Variants in SYNE1 observed in about 807,000 individuals in gnomAD.
SYNE1 encodes nesprin-1.
In SYNE1, 616 loss-of-function variants were observed where a neutral mutation model predicts 1,111.0. The observed-to-expected ratio is 0.55, with a 90% CI of 0.52 to 0.59. The LOEUF (loss-of-function observed/expected upper bound fraction) is 0.59, where lower values mean the gene tolerates loss of function less well. SYNE1 is among the 20% of genes least tolerant of loss of function. The probability of loss-of-function intolerance (pLI) is 0.00; values close to 1 mark genes in which losing one functional copy is unlikely to be tolerated. For synonymous variants in SYNE1, 3,855 were observed against 3,825.8 expected, an observed-to-expected ratio of 1.01 and a Z score of -0.28; for missense variants, 10,006 against 10,417.0, an observed-to-expected ratio of 0.96 and a Z score of 1.72.
chr6:152,358,593 A>G (rs2096879037), intron 65 of SYNE1, 56 bp from the exon 66 acceptor site: 2 of 1,572,894 alleles, frequency 1.3e-6, no homozygotes, highest in Non-Finnish European at 1.7e-6. Flanking sequence ...ATAAAGCATC[A>G]GTGTGCTGTA....
chr6:152,578,176 TA>T (rs1466151159), intron 3 of SYNE1, among the ~76,000 whole-genome samples: 1 of 152,238 alleles, frequency 6.6e-6, no homozygotes, highest in Non-Finnish European at 1.5e-5. Context: ...AAAAAGTTTT[TA>T]AATTATGAAA....
At chr6:152,635,103 C>T (rs2099704000) in intron 2 of SYNE1, among the ~76,000 whole-genome samples, 1 of 152,200 alleles carries the variant, frequency 6.6e-6, no homozygotes, top group East Asian at 1.9e-4. Flanking sequence ...AGTGCAGCAC[C>T]AAACAATTCT....
At chr6:152,538,873 T>A (rs989278578) in intron 4 of SYNE1, among the ~76,000 whole-genome samples, 21 of 152,148 alleles carry the variant, frequency 1.4e-4, no homozygotes, top group Admixed American at 1.3e-3. Flanking sequence ...CAGGTCGCTC[T>A]AGGCTTCTTT....
At chr6:152,243,875 G>T (rs2086407542) in intron 106 of SYNE1, among the ~76,000 whole-genome samples, 1 of 151,984 alleles carries the variant, frequency 6.6e-6, no homozygotes, top group Non-Finnish European at 1.5e-5. Flanking sequence ...AAATTTTGTT[G>T]GTCTAATATC....
intron 5 of SYNE1, among the ~76,000 whole-genome samples, chr6:152,524,274 T>A (rs1037271685): frequency 6.6e-6 from 1 of 152,184 alleles, no homozygotes; most frequent in African/African-American, 2.4e-5. Context: ...CTAGATTTTA[T>A]CAAATGCTTT....
intron 30 of SYNE1, among the ~76,000 whole-genome samples, chr6:152,443,721 C>T (rs1302229641): frequency 1.3e-5 from 2 of 152,062 alleles, no homozygotes; most frequent in Non-Finnish European, 2.9e-5. Flanking sequence ...TACCATTTTG[C>T]TACTGTGTAT....
At chr6:152,622,749 T>C (rs146453387) in intron 3 of SYNE1, among the ~76,000 whole-genome samples, 1,559 of 152,276 alleles carry the variant, frequency 0.01, 22 homozygotes, top group African/African-American at 0.036. Context: ...TTCTTTATAA[T>C]AGAATGATTT....
intron 100 of SYNE1, among the ~76,000 whole-genome samples, chr6:152,265,331 G>A (rs2092585620): frequency 6.6e-6 from 1 of 150,948 alleles, no homozygotes; most frequent in African/African-American, 2.4e-5. Context: ...CTATTAAACA[G>A]TTAAAATGAA....
intron 3 of SYNE1, among the ~76,000 whole-genome samples, chr6:152,595,836 G>GTCTA (rs2099579542): frequency 6.6e-6 from 1 of 152,034 alleles, no homozygotes; most frequent in African/African-American, 2.4e-5. Context: ...CGGCTGTTGG[G>GTCTA]TCTATGTTCT....
At chr6:152,488,871 A>G (rs2098955541) in intron 11 of SYNE1, among the ~76,000 whole-genome samples, 2 of 152,216 alleles carry the variant, frequency 1.3e-5, no homozygotes, top group Non-Finnish European at 2.9e-5. Context: ...TTGGTAACCC[A>G]GAAGACAGTT....
chr6:152,377,376 G>A (rs549500073), intron 56 of SYNE1, among the ~76,000 whole-genome samples: 68 of 151,504 alleles, frequency 4.5e-4, no homozygotes, highest in African/African-American at 1.1e-3. Context: ...TTGGGAGGCC[G>A]AGGAGGGTGG....
Position 152,353,286 on chromosome 6 carries a change from C to T in SYNE1, c.11230G>A (p.Gly3744Arg). Reference protein sequence around the residue: ...KIDKVDTVMMGKKLKTLEVLL... With the variant: ...KIDKVDTVMMRKKLKTLEVLL... Reference sequence around the variant, plus strand: ...ACCTCCAACGTCTTCAATTTCTTCCCCATCATTACTGTATCTACTTTGTCA... The same window carrying T: ...ACCTCCAACGTCTTCAATTTCTTCCTCATCATTACTGTATCTACTTTGTCA... The change falls in exon 69 of 146, where the codon GGG (glycine) becomes AGG (arginine). Residue 3744 changes from glycine (G) to arginine (R), a missense_variant. Coordinates refer to ENST00000367255, the MANE Select transcript of SYNE1 (RefSeq NM_182961.4). 1 of 1,614,132 alleles carries T rather than the reference C, an allele frequency of 6.2e-7. No individual in the cohort carries two copies. The highest frequency in any genetic ancestry group is 8.5e-7 in the Non-Finnish European group (1 of 1,180,040).
At chr6:152,426,533 G>A (rs1321036756) in intron 38 of SYNE1, among the ~76,000 whole-genome samples, 1 of 152,242 alleles carries the variant, frequency 6.6e-6, no homozygotes, top group African/African-American at 2.4e-5. Flanking sequence ...CAGTCATATG[G>A]CACTTAGTTT....
intron 25 of SYNE1, among the ~76,000 whole-genome samples, chr6:152,453,136 A>T (rs907831143): frequency 6.6e-6 from 1 of 152,196 alleles, no homozygotes; most frequent in Non-Finnish European, 1.5e-5. Context: ...TCATCATTGA[A>T]TTCTTGACTA....
chr6:152,160,179 T>A (rs969904432), intron 131 of SYNE1, among the ~76,000 whole-genome samples: 19 of 152,164 alleles, frequency 1.2e-4, no homozygotes, highest in African/African-American at 4.6e-4. Context: ...GCTAAATTTT[T>A]GTATTTTTAG....
chr6:152,334,959 T>C (rs1408057332), intron 76 of SYNE1, among the ~76,000 whole-genome samples: 7 of 152,192 alleles, frequency 4.6e-5, no homozygotes, highest in Non-Finnish European at 4.4e-5. Context: ...AGTGGTGTTA[T>C]GTACAGAGTT....
At chr6:152,571,192 C>T (rs147630878) in intron 3 of SYNE1, among the ~76,000 whole-genome samples, 121 of 152,230 alleles carry the variant, frequency 7.9e-4, no homozygotes, top group Non-Finnish European at 1.5e-3. Context: ...TTTCTTTTAA[C>T]CCAATGGAAT....
chr6:152,211,407 G>T, intron 124 of SYNE1, 87 bp downstream of exon 124: 2 of 1,114,824 alleles, frequency 1.8e-6, no homozygotes, highest in Non-Finnish European at 2.7e-6. Flanking sequence ...CAGGAAGATT[G>T]GATATATGCC....
intron 3 of SYNE1, among the ~76,000 whole-genome samples, chr6:152,593,834 G>A (rs1434419536): frequency 6.6e-6 from 1 of 152,074 alleles, no homozygotes; most frequent in Non-Finnish European, 1.5e-5. Flanking sequence ...ACAGGGTTGT[G>A]AAAATCGTAT....
Sources: gnomAD v4.1 joint callset for allele counts (sites outside exome capture counted in the v4.1 genomes callset) on GRCh38, gnomAD v4.1.1 for gene constraint, MANE v1.5 for transcripts, NCBI Gene and HGNC (gene_info 2026-07-23, HGNC 2026-07-21) for gene names.